The following OR14C36 variants were observed in gnomAD, a reference collection of about 807,000 sequenced individuals.
The protein encoded by OR14C36 is olfactory receptor family 14 subfamily C member 36.
For synonymous variants in OR14C36, 142 were observed against 146.8 expected (o/e 0.97, Z 0.24); for missense variants, 404 against 384.8 (o/e 1.05, Z -0.42).
Position 248,348,852 on chromosome 1 carries a change from T to C in OR14C36, c.78T>C (p.Ser26=). 6.2e-7 allele frequency: 1 copy of C among 1,613,800 alleles called. No individual in the cohort carries two copies. Among genetic ancestry groups the C allele is most frequent in the Non-Finnish European group, 8.5e-7 (1 of 1,179,802 alleles). ...TGTGGACACTACAGATTTTACATTC[T>C]GCATCCTTCTTTATGTTGTATTTGG... The part of the protein sequence containing the change: ...SDVWTLQILH[S]ASFFMLYLVT... The change falls in exon 1 of 1, where the codon TCT becomes TCC. Residue 26 remains serine (S), a synonymous_variant. Transcript: ENST00000317861.
chr1:248,349,406 T>A lies in OR14C36; in HGVS notation c.632T>A (p.Phe211Tyr). ...ALGVGGGCFI[F>Y]IIRSYIHIFS... ...GGGGTAGGTGGCGGCTGTTTCATCT[T>A]TATCATCAGGTCTTACATTCACATC... The change falls in exon 1 of 1, where the codon TTT becomes TAT. Residue 211 changes from phenylalanine to tyrosine, a missense_variant. Physicochemically the swap from Phe to Tyr is conservative, Grantham distance 22 (BLOSUM62 3). Coordinates refer to ENST00000317861, the MANE Select transcript of OR14C36 (RefSeq NM_001001918.1). 6.2e-7 allele frequency: 1 copy of A among 1,614,124 alleles called. No homozygotes were observed. Among genetic ancestry groups the A allele is most frequent in the East Asian group, 2.2e-5 (1 of 44,882 alleles).
rs1211926375 is a variant in OR14C36 at position 248,349,014 on chromosome 1, T to C, written c.240T>C (p.Cys80=). Residue 80 remains cysteine (C), a synonymous_variant, in exon 1 of 1, where the codon TGT becomes TGC. Transcript: ENST00000317861. ...CYISVTVPTS[C]VNSLLDSTTI... ...TTTCTGTTACAGTCCCTACCTCATG[T>C]GTCAATTCCCTACTGGACAGCACCA... The C allele has an allele frequency of 6.2e-7, 1 of 1,613,704 alleles. No homozygotes were observed. Among genetic ancestry groups the C allele is most frequent in the African/African-American group, 1.3e-5 (1 of 74,816 alleles).
At position 248,349,133 on chromosome 1, in the gene OR14C36, G is replaced by A. The variant is rs557843345; in HGVS notation, c.359G>A (p.Arg120His). 1.2e-5 allele frequency: 20 copies of A among 1,613,624 alleles called. No individual in the cohort carries two copies. Among genetic ancestry groups the A allele is most frequent in the South Asian group, 4.4e-5 (4 of 91,068 alleles). Residue 120 changes from arginine to histidine, a missense_variant, in exon 1 of 1, where the codon CGC becomes CAC. Physicochemically the swap from Arg to His is conservative, Grantham distance 29. Coordinates refer to ENST00000317861, the MANE Select transcript of OR14C36 (RefSeq NM_001001918.1). ...TTTCTCACCATTATGGCTCATGACC[G>A]CTATGTGGCTGTCTGCCAGCCACTT... ...LLFLTIMAHD[R>H]YVAVCQPLHY...
At position 248,349,683 on chromosome 1, in the gene OR14C36, G is replaced by C. The variant is rs1660475598; in HGVS notation, c.909G>C (p.Met303Ile). ...KQIKVAIKKIMKRIFYSENV is the reference protein window; with the variant it reads ...KQIKVAIKKIIKRIFYSENV ...TAAAGGTGGCCATCAAGAAAATCAT[G>C]AAGAGAATTTTTTATTCAGAAAATG... is the stretch of plus-strand genomic sequence containing the variant. Residue 303 changes from methionine (M) to isoleucine (I), a missense_variant, in exon 1 of 1, where the codon ATG becomes ATC. Physicochemically the swap from Met to Ile is conservative, Grantham distance 10 (BLOSUM62 1). Coordinates refer to ENST00000317861, the MANE Select transcript of OR14C36 (RefSeq NM_001001918.1). 1 of 1,605,178 alleles carries C rather than the reference G, an allele frequency of 6.2e-7. No homozygotes were observed. The highest frequency in any genetic ancestry group is 8.5e-7 in the Non-Finnish European group (1 of 1,176,932).
At position 248,349,052 on chromosome 1, in the gene OR14C36, C is replaced by T. The variant is rs145207343; in HGVS notation, c.278C>T (p.Ala93Val). Residue 93 changes from alanine to valine, a missense_variant, in exon 1 of 1, where the codon GCG (alanine) becomes GTG (valine). Ala to Val is a moderately conservative substitution (Grantham distance 64). Transcript: ENST00000317861. The stretch of plus-strand genomic sequence containing the variant: ...CTGGACAGCACCACCATTTCTAAGG[C>T]GGGATGTGTAGCTCAGGTCTTCCTC... ...SLLDSTTISK[A>V]GCVAQVFLVV... is the part of the protein sequence containing the mutation. The T allele has an allele frequency of 3.7e-4, 602 of 1,613,596 alleles. No individual in the cohort carries two copies. The highest frequency in any genetic ancestry group is 4.3e-4 in the Non-Finnish European group (505 of 1,179,964).
In OR14C36 at chr1:248,349,313, C is replaced by T. The variant is rs753138282; in HGVS notation, c.539C>T (p.Pro180Leu). ...NVIHQFFCDI[P>L]SLLKLSCSDT... ...ATTCATCAATTCTTCTGTGACATCC[C>T]CTCTCTGCTGAAGCTCTCTTGCTCT... The change falls in exon 1 of 1, where the codon CCC becomes CTC. Residue 180 changes from proline to leucine, a missense_variant. By Grantham distance (98) the Pro-to-Leu change is moderately conservative (BLOSUM62 -3). Transcript: ENST00000317861. The T allele has an allele frequency of 2.7e-5, 44 of 1,613,958 alleles. No individual in the cohort carries two copies. Among genetic ancestry groups the T allele is most frequent in the Non-Finnish European group, 5.1e-6 (6 of 1,180,014 alleles).
rs775593457 is a variant in OR14C36, at chr1:248,348,788, C to T, written c.14C>T (p.Thr5Ile). ...CATCATCCACCGATGCCCAATTCAACCACCGTGATGGAATTTCTCCTCATG... is the reference window on the plus strand; with the variant it reads ...CATCATCCACCGATGCCCAATTCAATCACCGTGATGGAATTTCTCCTCATG... MPNS[T>I]TVMEFLLMRF... Residue 5 changes from threonine to isoleucine, a missense_variant, in exon 1 of 1, where the codon ACC becomes ATC. Thr to Ile is a moderately conservative substitution (Grantham distance 89). Coordinates refer to ENST00000317861, the MANE Select transcript of OR14C36 (RefSeq NM_001001918.1). 2 of 1,583,916 alleles carry T rather than the reference C, an allele frequency of 1.3e-6. No homozygotes were observed. Among genetic ancestry groups the T allele is most frequent in the East Asian group, 2.2e-5 (1 of 44,636 alleles).
Position 248,348,946 on chromosome 1 carries a change from T to A in OR14C36, c.172T>A (p.Tyr58Asn). 6.2e-7 allele frequency: 1 copy of A among 1,613,836 alleles called. No homozygotes were observed. Among genetic ancestry groups the A allele is most frequent in the Non-Finnish European group, 8.5e-7 (1 of 1,179,964 alleles). ...TGACAGCAGCCTTCACATGCCCATGTACTTCTTCCTCAGGAATCTGTCTAT... is the reference window on the plus strand; with the variant it reads ...TGACAGCAGCCTTCACATGCCCATGAACTTCTTCCTCAGGAATCTGTCTAT... ...TCDSSLHMPMYFFLRNLSILD... is the reference protein window; with the variant it reads ...TCDSSLHMPMNFFLRNLSILD... The change falls in exon 1 of 1, where the codon TAC becomes AAC. Residue 58 changes from tyrosine (Y) to asparagine (N), a missense_variant. Tyr to Asn is a moderately radical substitution (Grantham distance 143). Coordinates refer to ENST00000317861, the MANE Select transcript of OR14C36 (RefSeq NM_001001918.1).
chr1:248,349,564 C>G lies in OR14C36; in HGVS notation c.790C>G (p.Pro264Ala). 6.2e-7 allele frequency: 1 copy of G among 1,614,116 alleles called. No homozygotes were observed. The highest frequency in any genetic ancestry group is 1.7e-4 in the Middle Eastern group (1 of 6,058). ...TGTGTACCTCAGGCCACCTGCGATA[C>G]CTGCAGCCACCCAGGATCTGATCCT... ...SSVYLRPPAI[P>A]AATQDLILSG... Residue 264 changes from proline (P) to alanine (A), a missense_variant, in exon 1 of 1, where the codon CCT becomes GCT. Transcript: ENST00000317861.
rs144875572 is a variant in OR14C36 at position 248,348,823 on chromosome 1, G to C, written c.49G>C (p.Asp17His). ...GGAATTTCTCCTCATGAGGTTTTCT[G>C]ATGTGTGGACACTACAGATTTTACA... ...VMEFLLMRFSDVWTLQILHSA... is the reference protein window; with the variant it reads ...VMEFLLMRFSHVWTLQILHSA... The change falls in exon 1 of 1, where the codon GAT (aspartate) becomes CAT (histidine). Residue 17 changes from aspartate (D) to histidine (H), a missense_variant. Asp to His is a moderately conservative substitution (Grantham distance 81, BLOSUM62 -1). Coordinates refer to ENST00000317861, the MANE Select transcript of OR14C36 (RefSeq NM_001001918.1). 5.7e-5 allele frequency: 91 copies of C among 1,610,478 alleles called. No individual in the cohort carries two copies. Among genetic ancestry groups the C allele is most frequent in the Non-Finnish European group, 7.5e-5 (88 of 1,178,456 alleles).
In OR14C36 at chr1:248,349,650, T is replaced by C. The variant is rs988990964; in HGVS notation, c.876T>C (p.Asn292=). The C allele has an allele frequency of 1.9e-6, 3 of 1,609,006 alleles. No homozygotes were observed. Among genetic ancestry groups the C allele is most frequent in the Non-Finnish European group, 8.5e-7 (1 of 1,178,740 alleles). ...ACCCTATTATTTACAGTCTTAGAAA[T>C]AAGCAAATAAAGGTGGCCATCAAGA... ...LFNPIIYSLR[N]KQIKVAIKKI... The change falls in exon 1 of 1, where the codon AAT becomes AAC. Residue 292 remains asparagine, a synonymous_variant. Transcript: ENST00000317861.
At chr1:248,349,438 AC>A in the OR14C36 span, 1 of 1,613,640 alleles carries the variant, frequency 6.2e-7, no homozygotes, top group Admixed American at 1.7e-5. Context: ...CATCTTTTCG[AC>A]CGTGCTCGGG....
In OR14C36 at chr1:248,349,347, C is replaced by A; in HGVS notation, c.573C>A (p.Phe191Leu). The change falls in exon 1 of 1, where the codon TTC becomes TTA. Residue 191 changes from phenylalanine to leucine, a missense_variant. Coordinates refer to ENST00000317861, the MANE Select transcript of OR14C36 (RefSeq NM_001001918.1). ...TGAAGCTCTCTTGCTCTGACACCTT[C>A]AGCAATGAGGTCATGATTGTTGTCT... ...SLLKLSCSDT[F>L]SNEVMIVVSA... The A allele has an allele frequency of 6.2e-7, 1 of 1,613,970 alleles. No homozygotes were observed. Among genetic ancestry groups the A allele is most frequent in the African/African-American group, 1.3e-5 (1 of 75,034 alleles).
At position 248,349,689 on chromosome 1, in the gene OR14C36, A is replaced by G. The variant is rs1369362864; in HGVS notation, c.915A>G (p.Arg305=). The change falls in exon 1 of 1, where the codon AGA becomes AGG. Residue 305 remains arginine (R), a synonymous_variant. Transcript: ENST00000317861. ...TGGCCATCAAGAAAATCATGAAGAGAATTTTTTATTCAGAAAATGTGTAAG... is the reference window on the plus strand; with the variant it reads ...TGGCCATCAAGAAAATCATGAAGAGGATTTTTTATTCAGAAAATGTGTAAG... ...IKVAIKKIMK[R]IFYSENV The G allele has an allele frequency of 1.2e-6, 2 of 1,602,626 alleles. No individual in the cohort carries two copies. Among genetic ancestry groups the G allele is most frequent in the Admixed American group, 3.4e-5 (2 of 58,076 alleles).
At chr1:248,349,543 TACCTCAGGCC>T in the OR14C36 span, 1 of 1,614,172 alleles carries the variant, frequency 6.2e-7, no homozygotes. Flanking sequence ...CTCTTCTGTG[TACCTCAGGCC>T]ACCTGCGATA....
rs1283802486 is a variant in OR14C36 at position 248,349,584 on chromosome 1, G to T, written c.810G>T (p.Leu270=). 1 of 1,614,010 alleles carries T rather than the reference G, an allele frequency of 6.2e-7. No homozygotes were observed. ...PPAIPAATQD[L]ILSGFYSIMP... is the part of the protein sequence containing the mutation. Reference sequence around the variant, plus strand: ...CGATACCTGCAGCCACCCAGGATCTGATCCTTTCTGGTTTTTATTCCATAA... The same window carrying T: ...CGATACCTGCAGCCACCCAGGATCTTATCCTTTCTGGTTTTTATTCCATAA... Residue 270 remains leucine (L), a synonymous_variant, in exon 1 of 1, where the codon CTG becomes CTT. Coordinates refer to ENST00000317861, the MANE Select transcript of OR14C36 (RefSeq NM_001001918.1).
At position 248,349,590 on chromosome 1, in the gene OR14C36, T is replaced by G. The variant is rs1215669651; in HGVS notation, c.816T>G (p.Leu272=). ...AIPAATQDLI[L]SGFYSIMPPL... ...CTGCAGCCACCCAGGATCTGATCCT[T>G]TCTGGTTTTTATTCCATAATGCCTC... Residue 272 remains leucine (L), a synonymous_variant, in exon 1 of 1, where the codon CTT becomes CTG. Transcript: ENST00000317861. 5 of 1,614,052 alleles carry G rather than the reference T, an allele frequency of 3.1e-6. No homozygotes were observed. The highest frequency in any genetic ancestry group is 4.2e-6 in the Non-Finnish European group (5 of 1,179,946).
rs761298079 is a variant in OR14C36, at chr1:248,349,502, T to A, written c.728T>A (p.Ile243Asn). Residue 243 changes from isoleucine to asparagine, a missense_variant, in exon 1 of 1, where the codon ATC becomes AAC. Coordinates refer to ENST00000317861, the MANE Select transcript of OR14C36 (RefSeq NM_001001918.1). ...TKAFSTCIPH[I>N]LVVSVFLSSC... ...GCCTTTTCCACCTGCATCCCTCACA[T>A]CCTGGTGGTGTCAGTCTTCCTCAGT... 33 of 1,613,954 alleles carry A rather than the reference T, an allele frequency of 2.0e-5. No individual in the cohort carries two copies. The Middle Eastern group carries it at 4.9e-4, about 24-fold the overall frequency.
At position 248,348,827 on chromosome 1, in the gene OR14C36, T is replaced by A; in HGVS notation, c.53T>A (p.Val18Glu). The change falls in exon 1 of 1, where the codon GTG (valine) becomes GAG (glutamate). Residue 18 changes from valine to glutamate, a missense_variant. Transcript: ENST00000317861. The part of the protein sequence containing the change: ...MEFLLMRFSD[V>E]WTLQILHSAS... ...TTTCTCCTCATGAGGTTTTCTGATG[T>A]GTGGACACTACAGATTTTACATTCT... 1 of 1,612,608 alleles carries A rather than the reference T, an allele frequency of 6.2e-7. No homozygotes were observed. The highest frequency in any genetic ancestry group is 8.5e-7 in the Non-Finnish European group (1 of 1,179,184).
Sources: allele counts gnomAD v4.1 joint callset, GRCh38; gene constraint gnomAD v4.1.1; transcripts MANE v1.5; gene names NCBI Gene and HGNC (gene_info 2026-07-23, HGNC 2026-07-21).